UGT1A10: variants seen among roughly 807,000 people sequenced by gnomAD.
UGT1A10 encodes the protein UDP glucuronosyltransferase family 1 member A10.
A neutral mutation model predicts 45.8 loss-of-function variants in UGT1A10; 49 were observed. The ratio of observed to expected loss-of-function variants is 1.07; its 90% CI spans 0.85 to 1.36. The LOEUF (loss-of-function observed/expected upper bound fraction) is 1.36. UGT1A10 is among the 40% of genes most tolerant of loss of function. The pLI, the probability that UGT1A10 is intolerant of heterozygous loss-of-function variation, is 0.00. For missense variants in UGT1A10, 745 were observed against 668.6 expected (o/e 1.11, Z -1.26); for synonymous variants, 284 against 249.7 (o/e 1.14, Z -1.29).
intron 1 of UGT1A10, among the ~76,000 whole-genome samples, chr2:233,675,742 A>G (rs1464784018): frequency 6.6e-6 from 1 of 152,202 alleles, no homozygotes; most frequent in Non-Finnish European, 1.5e-5. Context: ...TAATTCATCT[A>G]TCCCTTTATT....
intron 1 of UGT1A10, chr2:233,690,463 C>T (rs2074991463): frequency 7.8e-7 from 1 of 1,288,912 alleles, no homozygotes; most frequent in Non-Finnish European, 1.0e-6. Context: ...TGCCAGCTAT[C>T]CTCCATTTAC....
intron 1 of UGT1A10, among the ~76,000 whole-genome samples, chr2:233,727,577 G>T (rs1286576165): frequency 6.6e-6 from 1 of 152,206 alleles, no homozygotes; most frequent in Admixed American, 6.5e-5. Flanking sequence ...TGCTTAGGAA[G>T]CATATAGTTT....
At chr2:233,711,416 G>C (rs1339296798) in intron 1 of UGT1A10, among the ~76,000 whole-genome samples, 1 of 152,236 alleles carries the variant, frequency 6.6e-6, no homozygotes, top group Non-Finnish European at 1.5e-5. Flanking sequence ...GGCTCATCAG[G>C]AGGGTGCTTA....
intron 1 of UGT1A10, chr2:233,690,814 G>A: frequency 1.9e-6 from 2 of 1,077,024 alleles, no homozygotes; most frequent in Non-Finnish European, 2.3e-6. Flanking sequence ...TCTTAGTACA[G>A]TCAAAGCTCA....
intron 1 of UGT1A10, among the ~76,000 whole-genome samples, chr2:233,658,798 A>G (rs1161652991): frequency 6.6e-6 from 1 of 152,164 alleles, no homozygotes. Context: ...CTAAACATCT[A>G]TTTCTGGACT....
chr2:233,733,834 A>G (rs887366512), intron 1 of UGT1A10, among the ~76,000 whole-genome samples: 1 of 152,086 alleles, frequency 6.6e-6, no homozygotes, highest in Admixed American at 6.6e-5. Flanking sequence ...TGAGTTAGGG[A>G]GGATTCCCTC....
intron 1 of UGT1A10, among the ~76,000 whole-genome samples, chr2:233,703,399 T>G (rs1408103781): frequency 6.6e-6 from 1 of 152,144 alleles, no homozygotes; most frequent in Non-Finnish European, 1.5e-5. Context: ...AATAAACAAT[T>G]TTGGTTTTGT....
intron 2 of UGT1A10, 141 bp downstream of exon 2, chr2:233,767,306 T>A: frequency 6.6e-7 from 1 of 1,507,862 alleles, no homozygotes; most frequent in Non-Finnish European, 8.8e-7. Flanking sequence ...AATCCAAAGG[T>A]TTTTTTTGTT....
intron 1 of UGT1A10, chr2:233,648,703 A>G: frequency 2.5e-6 from 1 of 402,186 alleles, no homozygotes; most frequent in South Asian, 2.5e-5. Context: ...TAACCTCGTG[A>G]TCCGCCCGCC....
intron 1 of UGT1A10, among the ~76,000 whole-genome samples, chr2:233,714,532 T>A (rs1427036802): frequency 1.3e-5 from 2 of 152,206 alleles, no homozygotes; most frequent in African/African-American, 4.8e-5. Flanking sequence ...CTTCATGGTC[T>A]AATACCGAAG....
intron 1 of UGT1A10, among the ~76,000 whole-genome samples, chr2:233,699,142 G>A (rs564222627): frequency 2.6e-5 from 4 of 152,274 alleles, no homozygotes; most frequent in African/African-American, 7.2e-5. Context: ...ATTCTCATGG[G>A]TGCCTTGCAA....
intron 1 of UGT1A10, among the ~76,000 whole-genome samples, chr2:233,688,194 T>G (rs2074881922): frequency 6.6e-6 from 1 of 152,244 alleles, no homozygotes; most frequent in African/African-American, 2.4e-5. Flanking sequence ...TATGACCGGC[T>G]TCTTTCACTT....
At chr2:233,648,778 T>G in intron 1 of UGT1A10, 1 of 841,298 alleles carries the variant, frequency 1.2e-6, no homozygotes, top group Non-Finnish European at 1.8e-6. Flanking sequence ...TGCCATGACT[T>G]TTAAGGAGAG....
In UGT1A10 at chr2:233,636,849, A is replaced by G; in HGVS notation, c.327A>G (p.Leu109=). 6.2e-7 allele frequency: 1 copy of G among 1,614,172 alleles called. No homozygotes were observed. Among genetic ancestry groups the G allele is most frequent in the Non-Finnish European group, 8.5e-7 (1 of 1,180,032 alleles). The change falls in exon 1 of 5, where the codon TTA becomes TTG. Residue 109 remains leucine (L), a synonymous_variant. Coordinates refer to ENST00000344644, the MANE Select transcript of UGT1A10 (RefSeq NM_019075.4). Reference sequence around the variant, plus strand: ...AGGCACAAAGTATATTTTCTCTATTAATGAGTTCATCCAGTGGTTTTCTTG... The same window carrying G: ...AGGCACAAAGTATATTTTCTCTATTGATGAGTTCATCCAGTGGTTTTCTTG... The part of the protein sequence containing the change: ...KAQAQSIFSL[L]MSSSSGFLDL...
intron 1 of UGT1A10, chr2:233,690,553 C>G: frequency 1.6e-6 from 2 of 1,289,576 alleles, no homozygotes; most frequent in Non-Finnish European, 2.0e-6. Context: ...GAATATGTCC[C>G]AAGCCTGAGT....
chr2:233,664,224 C>A (rs889835847), intron 1 of UGT1A10, among the ~76,000 whole-genome samples: 1 of 152,148 alleles, frequency 6.6e-6, no homozygotes, highest in Non-Finnish European at 1.5e-5. Flanking sequence ...TGGTCACAAG[C>A]ATTTAACCAG....
In UGT1A10 at chr2:233,738,655, C is replaced by T. The variant is rs542122703; in HGVS notation, c.856-28379C>T. Among the ~76,000 whole-genome samples, 17 of 152,092 alleles carry T rather than the reference C, an allele frequency of 1.1e-4. No homozygotes were observed. The East Asian group carries it at 1.4e-3, about 12-fold the overall frequency. On this transcript the variant is annotated intron_variant, in intron 1 of 4. Coordinates refer to ENST00000344644, the MANE Select transcript of UGT1A10 (RefSeq NM_019075.4). Reference sequence around the variant, plus strand: ...CCTGCCCTAGAGCTCTTTGGAACTACGAACTTGAGAGAGATGATCTGAAAT... The same window carrying T: ...CCTGCCCTAGAGCTCTTTGGAACTATGAACTTGAGAGAGATGATCTGAAAT...
intron 1 of UGT1A10, chr2:233,747,090 C>A: frequency 8.0e-7 from 1 of 1,247,360 alleles, no homozygotes; most frequent in East Asian, 2.6e-5. Context: ...GAGGAGAGCA[C>A]TCTATCTTCC....
chr2:233,755,122 C>T, intron 1 of UGT1A10: 1 of 1,328,086 alleles, frequency 7.5e-7, no homozygotes, highest in Non-Finnish European at 1.0e-6. Flanking sequence ...TAGGCCTCAG[C>T]CACCTGCTTG....
Sources: gnomAD v4.1 joint callset for allele counts (sites outside exome capture counted in the v4.1 genomes callset) on GRCh38, gnomAD v4.1.1 for gene constraint, MANE v1.5 for transcripts, NCBI Gene and HGNC (gene_info 2026-07-23, HGNC 2026-07-21) for gene names.